Variants in MYO16 observed in about 807,000 individuals in gnomAD.
The protein encoded by MYO16 is myosin XVI, also known as unconventional myosin-XVI.
MYO16 carries 94 observed loss-of-function variants against 205.3 expected under a neutral mutation model. The observed-to-expected ratio is 0.46, with a 90% CI of 0.39 to 0.54. MYO16 has a LOEUF of 0.54. MYO16 is among the 20% of genes least tolerant of loss of function. The probability of loss-of-function intolerance (pLI) is 0.00; values close to 1 mark genes in which losing one functional copy is unlikely to be tolerated. For missense variants in MYO16, 2,315 were observed against 2,387.5 expected (o/e 0.97, Z 0.63); for synonymous variants, 988 against 954.0 (o/e 1.04, Z -0.66).
chr13:109,125,065 T>G lies in MYO16; in HGVS notation c.3536-47T>G, dbSNP rs199988398. The G allele has an allele frequency of 1.1e-4, 168 of 1,596,784 alleles. No individual in the cohort carries two copies. The highest frequency in any genetic ancestry group is 1.4e-4 in the Non-Finnish European group (162 of 1,170,628). ...TGATTTTTGTTTGTGCATGTCTGAG[T>G]TTTTCACTTTTCCTCCATTTACTAA... is the stretch of plus-strand genomic sequence containing the variant. On this transcript the variant is annotated intron_variant, in intron 29 of 34. Coordinates refer to ENST00000457511, the MANE Select transcript of MYO16 (RefSeq NM_001198950.3). The surrounding 1 kb of genome is among the most constrained non-coding windows in gnomAD (Gnocchi z 4.0).
the MYO16 span, among the ~76,000 whole-genome samples, chr13:108,510,434 TTTTTTTTATATTTAACATTGATAGCTG>T: frequency 1.1e-4 from 15 of 139,550 alleles, no homozygotes; most frequent in East Asian, 6.7e-4. Context: ...AATTTTTTTT[TTTTTTTTATATTTAACATTGATAGCTG>T]TTTTTTTTTT....
chr13:109,178,303 T>C lies in MYO16; in HGVS notation c.5324-1239T>C, dbSNP rs1350830522. ...CCAGCAAGAGACCCCCCCCACCCAC[T>C]AGCCATTGTCCGCCCAGTCTTCATG... On this transcript the variant is annotated intron_variant, in intron 33 of 34. Coordinates refer to ENST00000457511, the MANE Select transcript of MYO16 (RefSeq NM_001198950.3). 2.6e-5 allele frequency among the ~76,000 whole-genome samples: 4 copies of C among 152,122 alleles called. No homozygotes were observed. The East Asian group carries it at 7.8e-4, about 30-fold the overall frequency.
intron 27 of MYO16, among the ~76,000 whole-genome samples, chr13:109,061,346 T>C (rs1271969381): frequency 6.6e-6 from 1 of 152,234 alleles, no homozygotes; most frequent in Non-Finnish European, 1.5e-5. Context: ...GCAAGAGATC[T>C]AGCTCTTGGC....
intron 16 of MYO16, among the ~76,000 whole-genome samples, chr13:108,919,797 A>G (rs1398177940): frequency 6.6e-6 from 1 of 152,236 alleles, no homozygotes; most frequent in Non-Finnish European, 1.5e-5. Flanking sequence ...AATTCCCAAA[A>G]GTTCTGAAAA....
chr13:108,868,715 G>A (rs1031135656), intron 12 of MYO16, among the ~76,000 whole-genome samples: 7 of 152,004 alleles, frequency 4.6e-5, no homozygotes, highest in Non-Finnish European at 7.4e-5. Flanking sequence ...GAGGTCAGGA[G>A]TTCAAGACCA....
chr13:108,728,858 C>G (rs181765198), intron 4 of MYO16, among the ~76,000 whole-genome samples: 8 of 152,182 alleles, frequency 5.3e-5, no homozygotes, highest in Admixed American at 5.2e-4. Flanking sequence ...CCTCTTCCCC[C>G]CCTCTTAAAA....
chr13:109,121,896 G>C (rs1371796984), intron 29 of MYO16, among the ~76,000 whole-genome samples: 2 of 152,212 alleles, frequency 1.3e-5, no homozygotes, highest in Non-Finnish European at 2.9e-5. Context: ...CTAACTCTTG[G>C]TAAAGGAGGC....
At chr13:108,901,102 A>G (rs1880684494) in intron 15 of MYO16, among the ~76,000 whole-genome samples, 1 of 152,014 alleles carries the variant, frequency 6.6e-6, no homozygotes, top group Non-Finnish European at 1.5e-5. Context: ...CTGCTCTCAA[A>G]CCCTGTTTCC....
At chr13:108,962,302 T>C (rs1883619654) in intron 18 of MYO16, 122 bp from the exon 19 acceptor site, 1 of 710,842 alleles carries the variant, frequency 1.4e-6, no homozygotes, top group East Asian at 2.8e-5. Flanking sequence ...TAATGACTTT[T>C]TAAAATACTC....
chr13:109,008,360 G>C (rs1302756031), intron 21 of MYO16, among the ~76,000 whole-genome samples: 1 of 149,948 alleles, frequency 6.7e-6, no homozygotes, highest in Non-Finnish European at 1.5e-5. Context: ...ATGCACTACT[G>C]TACTATCTAT....
chr13:108,968,371 AG>A (rs1484100316), intron 20 of MYO16, among the ~76,000 whole-genome samples: 6 of 152,190 alleles, frequency 3.9e-5, no homozygotes, highest in African/African-American at 1.4e-4. Context: ...GCACTTTGGG[AG>A]GCCAACGCGG....
At chr13:108,570,030 T>A in the MYO16 span, among the ~76,000 whole-genome samples, 1 of 152,196 alleles carries the variant, frequency 6.6e-6, no homozygotes, top group Non-Finnish European at 1.5e-5. Flanking sequence ...GGATTTCATA[T>A]CCTTGTATTT....
chr13:109,018,236 G>T (rs1253905491), intron 22 of MYO16, among the ~76,000 whole-genome samples: 1 of 152,196 alleles, frequency 6.6e-6, no homozygotes, highest in East Asian at 1.9e-4. Flanking sequence ...TCAGCTGCAG[G>T]TCTGTTGGAG....
chr13:108,840,881 A>G (rs1877208754), intron 9 of MYO16, among the ~76,000 whole-genome samples: 1 of 152,222 alleles, frequency 6.6e-6, no homozygotes, highest in South Asian at 2.1e-4. Context: ...GCTAAAACAT[A>G]TTGATGAAGG....
At position 108,821,078 on chromosome 13, in the gene MYO16, CAA is replaced by C. The variant is rs1739556068; in HGVS notation, c.943+668_943+669del. ...CAATAGTAAAAAGAGTTCTGAATAACAAAGAGAAAAATCTAGCATAGGTAATA... is the reference window on the plus strand; with the variant it reads ...CAATAGTAAAAAGAGTTCTGAATAACAGAGAAAAATCTAGCATAGGTAATA... On this transcript the variant is annotated intron_variant, in intron 8 of 34. Coordinates refer to ENST00000457511, the MANE Select transcript of MYO16 (RefSeq NM_001198950.3). 3.3e-5 allele frequency among the ~76,000 whole-genome samples: 5 copies of C among 152,032 alleles called. No homozygotes were observed. The South Asian group carries it at 1.0e-3, about 32-fold the overall frequency.
At chr13:108,713,035 G>A (rs943440099) in intron 3 of MYO16, among the ~76,000 whole-genome samples, 2 of 152,004 alleles carry the variant, frequency 1.3e-5, no homozygotes, top group African/African-American at 4.8e-5. Context: ...TTTCCTACAA[G>A]TTGTCCTTAT....
rs187763457 is a variant in MYO16 at position 108,778,440 on chromosome 13, G to A, written c.508-7195G>A. ...TCAAGACCAGCCTGGCCAACATGGC[G>A]AAACCCCGTCTCTACTAAAAATACA... On this transcript the variant is annotated intron_variant, in intron 4 of 34. Coordinates refer to ENST00000457511, the MANE Select transcript of MYO16 (RefSeq NM_001198950.3). 9.4e-4 allele frequency among the ~76,000 whole-genome samples: 143 copies of A among 152,238 alleles called. 1 individual carries two copies. Among genetic ancestry groups the A allele is most frequent in the African/African-American group, 3.2e-3 (133 of 41,556 alleles).
intron 22 of MYO16, among the ~76,000 whole-genome samples, chr13:109,019,031 T>A (rs1885931623): frequency 6.6e-6 from 1 of 151,354 alleles, no homozygotes; most frequent in Non-Finnish European, 1.5e-5. Flanking sequence ...TGCAGTGGCA[T>A]GATCGTGGCT....
intron 2 of MYO16, among the ~76,000 whole-genome samples, chr13:108,684,070 T>C (rs988983718): frequency 1.3e-5 from 2 of 152,164 alleles, no homozygotes; most frequent in African/African-American, 4.8e-5. Context: ...GAGACGGGGT[T>C]TCACCATGTT....
Sources: allele counts gnomAD v4.1 joint callset (sites outside exome capture counted in the v4.1 genomes callset), GRCh38; gene constraint gnomAD v4.1.1; non-coding constraint Gnocchi (gnomAD v3.1); transcripts MANE v1.5; gene names NCBI Gene and HGNC (gene_info 2026-07-23, HGNC 2026-07-21).